LARP1: variants seen among roughly 807,000 people sequenced by gnomAD.
LARP1 encodes La ribonucleoprotein 1, translational regulator, also known as la-related protein 1.
Under a neutral mutation model 122.7 loss-of-function variants are expected in LARP1, and 36 were observed. The ratio of observed to expected loss-of-function variants is 0.29; its 90% CI spans 0.22 to 0.39. The LOEUF is 0.39. Ranked by LOEUF, LARP1 falls within the 10% of genes least tolerant of loss-of-function variation. The pLI is 1.00. For synonymous variants in LARP1, 539 were observed against 528.7 expected, an observed-to-expected ratio of 1.02 and a Z score of -0.27; for missense variants, 1,040 against 1,403.6, an observed-to-expected ratio of 0.74 and a Z score of 4.14.
intron 1 of LARP1, among the ~76,000 whole-genome samples, chr5:154,775,258 C>T (rs990418151): frequency 2.6e-5 from 4 of 152,110 alleles, no homozygotes; most frequent in Non-Finnish European, 4.4e-5. Context: ...TAGGATTGTG[C>T]CACTGCACTC....
intron 1 of LARP1, among the ~76,000 whole-genome samples, chr5:154,733,724 G>A (rs1371911365): frequency 6.6e-6 from 1 of 151,850 alleles, no homozygotes; most frequent in Non-Finnish European, 1.5e-5. Context: ...CACAATGCCT[G>A]GCTAATTTTT....
chr5:154,808,082 G>GGA (rs1758937115), intron 15 of LARP1, among the ~76,000 whole-genome samples: 2 of 152,116 alleles, frequency 1.3e-5, no homozygotes, highest in Admixed American at 1.3e-4. Flanking sequence ...GACTATTGTA[G>GGA]GACTCTTGAG....
At chr5:154,791,705 C>T (rs945896587) in intron 3 of LARP1, among the ~76,000 whole-genome samples, 2 of 152,194 alleles carry the variant, frequency 1.3e-5, no homozygotes, top group African/African-American at 4.8e-5. Flanking sequence ...ATACTCAAGT[C>T]CTGTAGTTGG....
rs1476616108 is a variant in LARP1, at chr5:154,815,770, G to A, written c.*1674G>A. 6.6e-6 allele frequency: 1 copy of A among 152,424 alleles called. No homozygotes were observed. The highest frequency in any genetic ancestry group is 1.5e-5 in the Non-Finnish European group (1 of 68,206). The allele number at this position is 152,424 out of a possible 1,614,324, so 9.4% of individuals were successfully genotyped here. ...TCTTTCTTCAGCCACTGACTGCTTG[G>A]GTTGGGCTGTGAATGATAATGGAAT... On this transcript the variant is annotated 3_prime_UTR_variant, in exon 19 of 19. Coordinates refer to ENST00000518297, the MANE Select transcript of LARP1 (RefSeq NM_033551.3).
intron 1 of LARP1, among the ~76,000 whole-genome samples, chr5:154,701,116 G>A (rs1383518438): frequency 6.6e-6 from 1 of 152,116 alleles, no homozygotes; most frequent in Non-Finnish European, 1.5e-5. Context: ...CTCTGAGTTG[G>A]TGTTTTCTTT....
At position 154,761,621 on chromosome 5, in the gene LARP1, GA is replaced by G. The variant is rs1380887092; in HGVS notation, c.436+5429del. ...GAGGTTCAGCAGGTGCCTCAGTCCA[GA>G]CTCAAAAACCTCCCTGGCTGGTCCA... On this transcript the variant is annotated intron_variant, in intron 1 of 18. Transcript: ENST00000518297. Among the ~76,000 whole-genome samples, 20 of 152,304 alleles carry G rather than the reference GA, an allele frequency of 1.3e-4. 1 individual carries two copies. The highest frequency in any genetic ancestry group is 3.4e-3 in the Middle Eastern group (1 of 294).
In LARP1 at chr5:154,792,765, G is replaced by A. The variant is rs756372719; in HGVS notation, c.708G>A (p.Glu236=). The change falls in exon 4 of 19, where the codon GAG becomes GAA. Residue 236 remains glutamate, a synonymous_variant. Coordinates refer to ENST00000518297, the MANE Select transcript of LARP1 (RefSeq NM_033551.3). The part of the protein sequence containing the change: ...DESGEEKNGD[E]DCQRGGQKKK... ...CAGGGGAGGAAAAGAATGGAGATGA[G>A]GATTGCCAGCGAGGCGGGCAGAAGA... 2 of 1,614,040 alleles carry A rather than the reference G, an allele frequency of 1.2e-6. No individual in the cohort carries two copies. Among genetic ancestry groups the A allele is most frequent in the Admixed American group, 1.7e-5 (1 of 60,006 alleles).
At position 154,743,316 on chromosome 5, in the gene LARP1, A is replaced by AT. The variant is rs59407115; in HGVS notation, c.205+30195dup. On this transcript the variant is annotated intron_variant, in intron 1 of 18. Transcript: ENST00000336314. ...TATAGTTTATTATTCTTATTTATTTATTTTTTTTTGAAATGGAATTTCGCT... is the reference window on the plus strand; with the variant it reads ...TATAGTTTATTATTCTTATTTATTTATTTTTTTTTTGAAATGGAATTTCGCT... Among the ~76,000 whole-genome samples, 821 of 150,486 alleles carry AT rather than the reference A, an allele frequency of 5.5e-3. 7 individuals are homozygous for AT. The highest frequency in any genetic ancestry group is 0.017 in the Middle Eastern group (5 of 288).
At chr5:154,717,703 A>G (rs1358604951) in intron 1 of LARP1, among the ~76,000 whole-genome samples, 1 of 152,138 alleles carries the variant, frequency 6.6e-6, no homozygotes, top group East Asian at 1.9e-4. Context: ...ACTTTGATCA[A>G]AAAGTCTGAC....
At chr5:154,707,777 A>G (rs1210966359) in intron 1 of LARP1, among the ~76,000 whole-genome samples, 2 of 152,134 alleles carry the variant, frequency 1.3e-5, no homozygotes, top group African/African-American at 4.8e-5. Flanking sequence ...GTGACACCCA[A>G]AGTGGGTTGC....
At chr5:154,768,584 A>G (rs1334904128) in intron 1 of LARP1, among the ~76,000 whole-genome samples, 1 of 151,804 alleles carries the variant, frequency 6.6e-6, no homozygotes, top group East Asian at 1.9e-4. Context: ...ATTTTTATTT[A>G]TTTATTTATT....
chr5:154,703,150 G>C, intron 1 of LARP1, among the ~76,000 whole-genome samples: 1 of 140,010 alleles, frequency 7.1e-6, no homozygotes, highest in East Asian at 2.0e-4. Flanking sequence ...AAAAAAAAGA[G>C]AGGACACTGG....
chr5:154,727,236 A>G (rs1041585854), intron 1 of LARP1, among the ~76,000 whole-genome samples: 1 of 152,230 alleles, frequency 6.6e-6, no homozygotes. Flanking sequence ...TCAATAATTA[A>G]GAATCACTTA....
chr5:154,757,477 T>C (rs1402013869), intron 1 of LARP1, among the ~76,000 whole-genome samples: 1 of 151,734 alleles, frequency 6.6e-6, no homozygotes, highest in Non-Finnish European at 1.5e-5. Context: ...TTTGGGTCCG[T>C]TTGTGGTGGG....
chr5:154,748,994 C>T (rs774468128), intron 1 of LARP1, among the ~76,000 whole-genome samples: 4 of 152,142 alleles, frequency 2.6e-5, no homozygotes, highest in Non-Finnish European at 5.9e-5. Context: ...TGCAGATGCT[C>T]AATACATATT....
rs527797605 is a variant in LARP1, at chr5:154,815,940, A to G, written c.*1844A>G. Reference sequence around the variant, plus strand: ...CATGGAGTTCATTGTCCTGTTGCTTACTTACTGCAATGTCTTTGGCCCTCC... The same window carrying G: ...CATGGAGTTCATTGTCCTGTTGCTTGCTTACTGCAATGTCTTTGGCCCTCC... On this transcript the variant is annotated 3_prime_UTR_variant, in exon 19 of 19. Coordinates refer to ENST00000518297, the MANE Select transcript of LARP1 (RefSeq NM_033551.3). 2.6e-5 allele frequency: 4 copies of G among 152,332 alleles called. No homozygotes were observed. The highest frequency in any genetic ancestry group is 4.8e-5 in the African/African-American group (2 of 41,548). The allele number at this position is 152,332 out of a possible 1,614,324, so 9.4% of individuals were successfully genotyped here.
chr5:154,808,680 C>T (rs1561634164), intron 16 of LARP1, 77 bp downstream of exon 16: 6 of 1,462,800 alleles, frequency 4.1e-6, no homozygotes, highest in Admixed American at 2.2e-5. Flanking sequence ...GCTTCCAGAA[C>T]TGTAGTTGGA....
chr5:154,744,031 C>G (rs1043986618), intron 1 of LARP1, among the ~76,000 whole-genome samples: 22 of 152,266 alleles, frequency 1.4e-4, no homozygotes, highest in African/African-American at 5.3e-4. Flanking sequence ...CAAACTATGA[C>G]AGTTTGTATT....
chr5:154,697,951 AAGT>A (rs1754541872), intron 1 of LARP1, among the ~76,000 whole-genome samples: 1 of 152,058 alleles, frequency 6.6e-6, no homozygotes, highest in African/African-American at 2.4e-5. Flanking sequence ...TCAGTCTCCC[AAGT>A]AGCTGAGACT....
Sources: allele counts gnomAD v4.1 joint callset (sites outside exome capture counted in the v4.1 genomes callset), GRCh38; gene constraint gnomAD v4.1.1; transcripts MANE v1.5; gene names NCBI Gene and HGNC (gene_info 2026-07-23, HGNC 2026-07-21).